SCARB1: variants seen among roughly 807,000 people sequenced by gnomAD.
SCARB1 encodes the protein scavenger receptor class B member 1, also known as CD36 and LIMPII analogous 1.
A neutral mutation model predicts 57.2 loss-of-function variants in SCARB1; 30 were observed. That is an observed-to-expected ratio of 0.52 (90% CI 0.39 to 0.71). The LOEUF is 0.71. Among genes scored for constraint, SCARB1 ranks in the 30% least tolerant of loss-of-function variants. The probability of loss-of-function intolerance (pLI) is 0.00; values close to 1 mark genes in which losing one functional copy is unlikely to be tolerated. For missense variants in SCARB1, 543 were observed against 671.2 expected (o/e 0.81, Z 2.11); for synonymous variants, 249 against 268.3 (o/e 0.93, Z 0.70).
At chr12:124,853,066 G>A (rs1952483636) in intron 1 of SCARB1, among the ~76,000 whole-genome samples, 1 of 152,130 alleles carries the variant, frequency 6.6e-6, no homozygotes, top group South Asian at 2.1e-4. Context: ...CTGTCCATTG[G>A]GTGGGGTGGG....
intron 5 of SCARB1, among the ~76,000 whole-genome samples, chr12:124,811,156 A>G (rs1057467111): frequency 2.8e-4 from 43 of 152,260 alleles, no homozygotes; most frequent in African/African-American, 1.0e-3. Context: ...GTAAAAATGG[A>G]TGGGAAGAAT....
intron 2 of SCARB1, among the ~76,000 whole-genome samples, chr12:124,815,942 T>C (rs1950697388): frequency 6.6e-6 from 1 of 152,098 alleles, no homozygotes; most frequent in Admixed American, 6.5e-5. Flanking sequence ...ATCAGGCTCC[T>C]AACGTGACCT....
intron 1 of SCARB1, among the ~76,000 whole-genome samples, chr12:124,833,981 C>T (rs1162721194): frequency 6.6e-6 from 1 of 152,254 alleles, no homozygotes; most frequent in Non-Finnish European, 1.5e-5. Flanking sequence ...AGCAAGCCCT[C>T]TGGGCTGCGG....
At chr12:124,806,500 A>G (rs1460606807) in intron 7 of SCARB1, among the ~76,000 whole-genome samples, 1 of 152,160 alleles carries the variant, frequency 6.6e-6, no homozygotes, top group Admixed American at 6.5e-5. Flanking sequence ...GCCTCATTTC[A>G]TGTCATTTAG....
At chr12:124,806,835 G>A (rs1242194345) in intron 7 of SCARB1, among the ~76,000 whole-genome samples, 5 of 152,184 alleles carry the variant, frequency 3.3e-5, no homozygotes, top group South Asian at 2.1e-4. Flanking sequence ...CCATGAGGTC[G>A]AGGCTGCAGT....
At chr12:124,783,222 CTTTT>C (rs1054831293) in intron 11 of SCARB1, 3 of 224,436 alleles carry the variant, frequency 1.3e-5, no homozygotes, top group African/African-American at 7.0e-5. Flanking sequence ...AAAATTACTG[CTTTT>C]TTTAATTTTT....
chr12:124,854,244 C>A (rs969113590), intron 1 of SCARB1, among the ~76,000 whole-genome samples: 2 of 152,128 alleles, frequency 1.3e-5, no homozygotes, highest in African/African-American at 4.8e-5. Flanking sequence ...CAGAGACCTA[C>A]GGGAGATGAG....
rs968578641 is a variant in SCARB1, at chr12:124,807,133, G to A, written c.1009+628C>T. Among the ~76,000 whole-genome samples the A allele has an allele frequency of 2.0e-5, 3 of 152,062 alleles. No homozygotes were observed. Among genetic ancestry groups the A allele is most frequent in the Non-Finnish European group, 2.9e-5 (2 of 67,994 alleles). Reference sequence around the variant, plus strand: ...GGAGGATCACTTGAACCTGGGAGGCGGAGGTTGCAGTGAGCTGAAATGGCG... The same window carrying A: ...GGAGGATCACTTGAACCTGGGAGGCAGAGGTTGCAGTGAGCTGAAATGGCG... On this transcript the variant is annotated intron_variant, in intron 7 of 12. Transcript: ENST00000261693. The surrounding 1 kb of genome is among the most constrained non-coding windows in gnomAD (Gnocchi z 5.3).
At chr12:124,838,306 G>C (rs1465863084) in intron 1 of SCARB1, among the ~76,000 whole-genome samples, 2 of 152,038 alleles carry the variant, frequency 1.3e-5, no homozygotes, top group Non-Finnish European at 2.9e-5. Flanking sequence ...CTCCCACCCC[G>C]GTCCCCTGAT....
intron 1 of SCARB1, among the ~76,000 whole-genome samples, chr12:124,861,876 G>GCACACACA (rs113876811): frequency 6.9e-4 from 105 of 151,446 alleles, no homozygotes; most frequent in South Asian, 4.2e-3. Flanking sequence ...CATGTGTGGT[G>GCACACACA]CACACACACA....
intron 1 of SCARB1, among the ~76,000 whole-genome samples, chr12:124,850,348 G>A (rs1160457871): frequency 1.3e-5 from 2 of 152,052 alleles, no homozygotes; most frequent in African/African-American, 4.8e-5. Flanking sequence ...ACTCCAGCCC[G>A]GGCGACAGAC....
At chr12:124,825,225 A>C (rs1240848212) in intron 1 of SCARB1, among the ~76,000 whole-genome samples, 1 of 1,454 alleles carries the variant, frequency 6.9e-4, no homozygotes, top group Non-Finnish European at 3.5e-3. Flanking sequence ...ACTCCATCTC[A>C]AAAAAAAAAA....
intron 1 of SCARB1, among the ~76,000 whole-genome samples, chr12:124,824,900 G>A (rs1419888968): frequency 2.0e-5 from 3 of 152,152 alleles, no homozygotes; most frequent in African/African-American, 7.2e-5. Flanking sequence ...CGCCCCTCTG[G>A]TATTCTATCC....
Position 124,807,737 on chromosome 12 carries a change from C to A in SCARB1, c.1009+24G>T. ...CCCCACCCTCACACCCTCCCGCCAT[C>A]CCAGCACAGGGGACGGCACGTACTG... On this transcript the variant is annotated intron_variant, in intron 7 of 12. Transcript: ENST00000261693. This position sits in a 1 kb window ranked among gnomAD's most constrained non-coding sequence, Gnocchi z 5.3. 1 of 1,613,754 alleles carries A rather than the reference C, an allele frequency of 6.2e-7. No homozygotes were observed.
intron 9 of SCARB1, among the ~76,000 whole-genome samples, chr12:124,788,440 G>A (rs568854806): frequency 3.9e-5 from 6 of 152,308 alleles, no homozygotes; most frequent in East Asian, 1.9e-4. Flanking sequence ...TGGGATGGCC[G>A]GGAGGGCTGC....
intron 12 of SCARB1, among the ~76,000 whole-genome samples, chr12:124,779,473 G>C (rs918097965): frequency 1.3e-5 from 2 of 152,080 alleles, no homozygotes; most frequent in African/African-American, 2.4e-5. Flanking sequence ...GCGGGGCGCA[G>C]GACGTGGGGA....
chr12:124,825,238 A>G (rs899044990), intron 1 of SCARB1, among the ~76,000 whole-genome samples: 7 of 150,972 alleles, frequency 4.6e-5, no homozygotes, highest in Non-Finnish European at 8.9e-5. Flanking sequence ...AAAAAAAAAA[A>G]AAAAAAAAAG....
intron 1 of SCARB1, among the ~76,000 whole-genome samples, chr12:124,837,339 G>A (rs1951688760): frequency 6.6e-6 from 1 of 151,854 alleles, no homozygotes; most frequent in South Asian, 2.1e-4. Context: ...ACAGCCTGTG[G>A]ACCAAATCCA....
intron 8 of SCARB1, among the ~76,000 whole-genome samples, chr12:124,799,135 TA>T (rs1424041870): frequency 2.0e-5 from 3 of 152,220 alleles, no homozygotes; most frequent in African/African-American, 7.2e-5. Flanking sequence ...ATGCATATGT[TA>T]ATTGGCTTGA....
Sources: allele counts gnomAD v4.1 joint callset (sites outside exome capture counted in the v4.1 genomes callset), GRCh38; gene constraint gnomAD v4.1.1; non-coding constraint Gnocchi (gnomAD v3.1); transcripts MANE v1.5; gene names NCBI Gene and HGNC (gene_info 2026-07-23, HGNC 2026-07-21).